The following HDAC9 variants were observed in gnomAD, a reference collection of about 807,000 sequenced individuals.
HDAC9 encodes histone deacetylase 9, also known as MEF-2 interacting transcription repressor (MITR) protein.
Under a neutral mutation model 139.4 loss-of-function variants are expected in HDAC9, and 41 were observed. That is an observed-to-expected ratio of 0.29 (90% CI 0.23 to 0.38). The LOEUF is 0.38. Among genes scored for constraint, HDAC9 ranks in the 10% least tolerant of loss-of-function variants. The probability of loss-of-function intolerance (pLI) is 1.00; values close to 1 mark genes in which losing one functional copy is unlikely to be tolerated. For missense variants in HDAC9, 1,147 were observed against 1,297.0 expected (o/e 0.88, Z 1.78); for synonymous variants, 517 against 476.2 (o/e 1.09, Z -1.12).
intron 1 of HDAC9, among the ~76,000 whole-genome samples, chr7:18,431,229 T>G (rs1027812008): frequency 1.3e-5 from 2 of 152,116 alleles, no homozygotes; most frequent in Non-Finnish European, 2.9e-5. Flanking sequence ...TAAATGAAAA[T>G]TAATCGTTAG....
rs543320965 is a variant in HDAC9, at chr7:18,763,002, C to A, written c.2164+725C>A. Among the ~76,000 whole-genome samples, 5 of 152,158 alleles carry A rather than the reference C, an allele frequency of 3.3e-5. 1 individual carries two copies. In the East Asian group the frequency reaches 9.6e-4, roughly 29 times the overall value. ...TGAAATGATAATATTGTTTTATTAA[C>A]TTTTTATAAGTGAATAACAATATCT... On this transcript the variant is annotated intron_variant, in intron 15 of 25. Coordinates refer to ENST00000686413, the MANE Select transcript of HDAC9 (RefSeq NM_178425.4).
chr7:18,160,422 T>G (rs1787547158), intron 1 of HDAC9, among the ~76,000 whole-genome samples: 1 of 152,194 alleles, frequency 6.6e-6, no homozygotes, highest in Non-Finnish European at 1.5e-5. Context: ...TCAAGTAAAT[T>G]TAACTTTTAT....
chr7:18,979,500 T>C (rs933818413), intron 25 of HDAC9, among the ~76,000 whole-genome samples: 2 of 152,230 alleles, frequency 1.3e-5, no homozygotes, highest in African/African-American at 4.8e-5. Flanking sequence ...AGTACTTGTT[T>C]AGGTAACTAA....
upstream of HDAC9, among the ~76,000 whole-genome samples, chr7:18,492,946 TAAATA>T (rs752753304): frequency 1.3e-5 from 2 of 151,922 alleles, no homozygotes; most frequent in Non-Finnish European, 2.9e-5. Flanking sequence ...TATCAAGAGT[TAAATA>T]AAAGAGAAGA....
intron 22 of HDAC9, among the ~76,000 whole-genome samples, chr7:18,893,697 G>C (rs1214149453): frequency 6.6e-6 from 1 of 152,166 alleles, no homozygotes; most frequent in Non-Finnish European, 1.5e-5. Flanking sequence ...AGCAAAATAA[G>C]TAAGCAAACA....
At chr7:18,342,595 T>C (rs151278202) in intron 1 of HDAC9, among the ~76,000 whole-genome samples, 42 of 152,008 alleles carry the variant, frequency 2.8e-4, no homozygotes, top group Non-Finnish European at 5.3e-4. Flanking sequence ...AGAAGGCTAA[T>C]TACCTCTCTG....
chr7:18,825,812 A>G (rs1264433456), intron 17 of HDAC9, among the ~76,000 whole-genome samples: 2 of 148,342 alleles, frequency 1.3e-5, no homozygotes, highest in African/African-American at 2.4e-5. Flanking sequence ...ACACATATAA[A>G]CAAATACACA....
intron 6 of HDAC9, among the ~76,000 whole-genome samples, chr7:18,616,276 G>A (rs192368348): frequency 1.8e-5 from 2 of 108,308 alleles, no homozygotes; most frequent in Admixed American, 1.8e-4. Context: ...TTGGAGTGGG[G>A]CATTATTCTG....
At chr7:18,853,146 C>T (rs1421432988) in intron 21 of HDAC9, among the ~76,000 whole-genome samples, 1 of 152,030 alleles carries the variant, frequency 6.6e-6, no homozygotes, top group African/African-American at 2.4e-5. Context: ...ATGTGGTTCA[C>T]GTGTATGGTG....
chr7:18,872,817 G>T (rs1799032025), intron 21 of HDAC9, among the ~76,000 whole-genome samples: 1 of 152,044 alleles, frequency 6.6e-6, no homozygotes, highest in Admixed American at 6.6e-5. Flanking sequence ...AAATACTGGG[G>T]GGAAAATGAG....
chr7:18,702,566 A>T (rs1354881392), intron 12 of HDAC9, among the ~76,000 whole-genome samples: 1 of 152,236 alleles, frequency 6.6e-6, no homozygotes, highest in Non-Finnish European at 1.5e-5. Context: ...TGGGACAACC[A>T]TAATGCTATC....
At chr7:18,648,421 T>G (rs777948758) in intron 10 of HDAC9, 45 bp from the exon 11 acceptor site, 17 of 1,361,248 alleles carry the variant, frequency 1.2e-5, no homozygotes, top group Non-Finnish European at 1.8e-5. Flanking sequence ...TGTGTGTGTG[T>G]GTGTGTGTGT....
chr7:18,575,252 TA>T (rs1450860616), intron 2 of HDAC9, among the ~76,000 whole-genome samples: 1 of 152,252 alleles, frequency 6.6e-6, no homozygotes, highest in East Asian at 1.9e-4. Context: ...TTATTTTAGC[TA>T]AAATGTCAAG....
intron 22 of HDAC9, among the ~76,000 whole-genome samples, chr7:18,913,885 A>G (rs1051214422): frequency 5.9e-5 from 9 of 152,182 alleles, no homozygotes; most frequent in African/African-American, 2.2e-4. Flanking sequence ...TTGCAGGTAA[A>G]TATTTAAAAA....
At chr7:18,477,312 G>A (rs2128124849) in intron 1 of HDAC9, among the ~76,000 whole-genome samples, 1 of 152,190 alleles carries the variant, frequency 6.6e-6, no homozygotes, top group South Asian at 2.1e-4. Flanking sequence ...GACCTTACTT[G>A]GTCCCCACTA....
chr7:18,356,584 T>C (rs543276555), intron 1 of HDAC9, among the ~76,000 whole-genome samples: 1 of 152,028 alleles, frequency 6.6e-6, no homozygotes, highest in Non-Finnish European at 1.5e-5. Flanking sequence ...ATCTTTCAGC[T>C]CTCTCTACAG....
chr7:18,346,301 G>C (rs937335156), intron 1 of HDAC9, among the ~76,000 whole-genome samples: 1 of 152,108 alleles, frequency 6.6e-6, no homozygotes, highest in African/African-American at 2.4e-5. Context: ...AGATTTCAAA[G>C]TACAGTTAAC....
chr7:18,092,581 T>TA (rs1782240598), intron 1 of HDAC9, among the ~76,000 whole-genome samples: 2 of 151,944 alleles, frequency 1.3e-5, no homozygotes, highest in African/African-American at 4.8e-5. Context: ...AAAGAGAGGA[T>TA]TCTCCACATA....
intron 8 of HDAC9, among the ~76,000 whole-genome samples, chr7:18,637,354 A>G (rs1784217908): frequency 6.6e-6 from 1 of 152,104 alleles, no homozygotes. Flanking sequence ...ACATCAGTGA[A>G]GAAAGTAAAT....
Sources: allele counts gnomAD v4.1 joint callset (sites outside exome capture counted in the v4.1 genomes callset), GRCh38; gene constraint gnomAD v4.1.1; transcripts MANE v1.5; gene names NCBI Gene and HGNC (gene_info 2026-07-23, HGNC 2026-07-21).